NCOA5: variants seen among roughly 807,000 people sequenced by gnomAD.
The protein encoded by NCOA5 is nuclear receptor coactivator 5.
NCOA5 carries 12 observed loss-of-function variants against 59.0 expected under a neutral mutation model. The observed-to-expected ratio is 0.20, with a 90% confidence interval of 0.13 to 0.33. The LOEUF (loss-of-function observed/expected upper bound fraction) is 0.33, where lower values mean the gene tolerates loss of function less well. Ranked by LOEUF, NCOA5 falls within the 10% of genes least tolerant of loss-of-function variation. The probability of loss-of-function intolerance (pLI) is 1.00; values close to 1 mark genes in which losing one functional copy is unlikely to be tolerated. For missense variants in NCOA5, 655 were observed against 766.6 expected, an observed-to-expected ratio of 0.85 and a Z score of 1.72; for synonymous variants, 270 against 275.5, an observed-to-expected ratio of 0.98 and a Z score of 0.20.
chr20:46,075,386 G>A (rs944041835), intron 2 of NCOA5, among the ~76,000 whole-genome samples: 11 of 152,242 alleles, frequency 7.2e-5, no homozygotes, highest in African/African-American at 2.6e-4. Context: ...CTCACAACCA[G>A]GGAGCAAGCA....
chr20:46,079,813 A>C (rs1371498363), intron 1 of NCOA5, among the ~76,000 whole-genome samples: 1 of 152,178 alleles, frequency 6.6e-6, no homozygotes, highest in Non-Finnish European at 1.5e-5. Flanking sequence ...TCTTTTTGTG[A>C]GGAAGAAAGT....
rs1201337653 is a variant in NCOA5 at position 46,065,052 on chromosome 20, T to C, written c.806A>G (p.Asn269Ser). 8.1e-6 allele frequency: 13 copies of C among 1,614,216 alleles called. No homozygotes were observed. Among genetic ancestry groups the C allele is most frequent in the Admixed American group, 1.7e-5 (1 of 60,028 alleles). ...QHQIHRSCTVNIMFGTPQEHR... is the reference protein window; with the variant it reads ...QHQIHRSCTVSIMFGTPQEHR... ...ACCTTGCGGGGTTCCAAACATGATG[T>C]TGACTGTGCAGGAGCGGTGAATCTG... is the stretch of plus-strand genomic sequence containing the variant. Residue 269 changes from asparagine to serine, a missense_variant, in exon 6 of 8, where the codon AAC (asparagine) becomes AGC (serine). Physicochemically the swap from Asn to Ser is conservative, Grantham distance 46. Transcript: ENST00000290231.
chr20:46,085,860 A>G (rs2085040086), intron 1 of NCOA5, among the ~76,000 whole-genome samples: 1 of 152,214 alleles, frequency 6.6e-6, no homozygotes, highest in African/African-American at 2.4e-5. Flanking sequence ...CTTTATGTAT[A>G]TTATCCCCAA....
intron 1 of NCOA5, among the ~76,000 whole-genome samples, chr20:46,088,105 C>T (rs1223481569): frequency 6.6e-6 from 1 of 152,152 alleles, no homozygotes; most frequent in African/African-American, 2.4e-5. Flanking sequence ...TCTGCTCTTA[C>T]ATTCACATAA....
chr20:46,069,459 C>T (rs2084858245), intron 3 of NCOA5, among the ~76,000 whole-genome samples: 1 of 152,058 alleles, frequency 6.6e-6, no homozygotes, highest in East Asian at 1.9e-4. Context: ...AAAACAAATC[C>T]ACACAGTGGC....
intron 1 of NCOA5, among the ~76,000 whole-genome samples, chr20:46,088,966 A>T (rs1314434134): frequency 6.6e-6 from 1 of 152,252 alleles, no homozygotes; most frequent in African/African-American, 2.4e-5. Context: ...TTGTGATTGA[A>T]GTTGCCGCCT....
At chr20:46,084,254 C>A (rs959223384) in intron 1 of NCOA5, among the ~76,000 whole-genome samples, 11 of 152,186 alleles carry the variant, frequency 7.2e-5, no homozygotes, top group Non-Finnish European at 1.6e-4. Context: ...TATCAGGAGG[C>A]AGAGCTGAGA....
intron 1 of NCOA5, among the ~76,000 whole-genome samples, chr20:46,087,281 C>T (rs949860691): frequency 6.6e-6 from 1 of 152,172 alleles, no homozygotes; most frequent in Admixed American, 6.5e-5. Flanking sequence ...TAATATATTT[C>T]TTGTGAAGAT....
intron 1 of NCOA5, among the ~76,000 whole-genome samples, chr20:46,088,159 T>A (rs1281107459): frequency 3.3e-5 from 5 of 152,194 alleles, no homozygotes; most frequent in Non-Finnish European, 5.9e-5. Context: ...TAAGTTAATC[T>A]GTCAATGCCT....
At position 46,070,548 on chromosome 20, in the gene NCOA5, A is replaced by T; in HGVS notation, c.39-12T>A. The T allele has an allele frequency of 6.2e-7, 1 of 1,607,432 alleles. No individual in the cohort carries two copies. The highest frequency in any genetic ancestry group is 8.5e-7 in the Non-Finnish European group (1 of 1,175,528). On this transcript the variant is annotated splice_polypyrimidine_tract_variant and intron_variant, in intron 2 of 7. Transcript: ENST00000290231. ...AGCCATATGGATCCCTGTGGGAGGT[A>T]GCAAGAAAATGCTAAGACAAAGAAA...
intron 6 of NCOA5, 152 bp from the exon 7 acceptor site, chr20:46,063,832 G>A: frequency 1.3e-6 from 1 of 798,184 alleles, no homozygotes; most frequent in Non-Finnish European, 1.9e-6. Flanking sequence ...TGGTGTGGGG[G>A]GAGAGATGAA....
At position 46,067,737 on chromosome 20, in the gene NCOA5, A is replaced by C. The variant is rs189287119; in HGVS notation, c.503-556T>G. Among the ~76,000 whole-genome samples the C allele has an allele frequency of 1.6e-4, 25 of 152,268 alleles. 2 individuals carry two copies. The highest frequency in any genetic ancestry group is 5.5e-4 in the African/African-American group (23 of 41,588). On this transcript the variant is annotated intron_variant, in intron 4 of 7. Transcript: ENST00000290231. The stretch of plus-strand genomic sequence containing the variant: ...TATGAAATAATTTAAGAACCTTTAA[A>C]GATGTATTGAGAAAAACCAGGCTTT...
intron 7 of NCOA5, 107 bp downstream of exon 7, chr20:46,063,253 C>G (rs755787312): frequency 8.6e-7 from 1 of 1,156,850 alleles, no homozygotes; most frequent in Non-Finnish European, 1.2e-6. Flanking sequence ...GGACTTAGTT[C>G]CCTTACCCAC....
intron 2 of NCOA5, among the ~76,000 whole-genome samples, chr20:46,077,065 G>A (rs1013785960): frequency 6.6e-6 from 1 of 152,130 alleles, no homozygotes; most frequent in Non-Finnish European, 1.5e-5. Flanking sequence ...GTACAGGCAA[G>A]AGCCATGACG....
intron 2 of NCOA5, among the ~76,000 whole-genome samples, chr20:46,078,235 C>T (rs958893562): frequency 2.0e-5 from 3 of 152,192 alleles, no homozygotes; most frequent in South Asian, 2.1e-4. Context: ...AATCTATTCC[C>T]GGTAGCTAGA....
chr20:46,083,652 T>C (rs1600633776), intron 1 of NCOA5, among the ~76,000 whole-genome samples: 1 of 152,182 alleles, frequency 6.6e-6, no homozygotes, highest in Non-Finnish European at 1.5e-5. Flanking sequence ...ACAAATGACA[T>C]AAAACTCTCT....
At chr20:46,079,548 A>C in intron 1 of NCOA5, 95 bp from the exon 2 acceptor site, 1 of 1,007,562 alleles carries the variant, frequency 9.9e-7, no homozygotes. Context: ...CAAAAACTAC[A>C]ATGACAACCA....
At chr20:46,084,669 T>C (rs2085028172) in intron 1 of NCOA5, among the ~76,000 whole-genome samples, 1 of 152,216 alleles carries the variant, frequency 6.6e-6, no homozygotes, top group Admixed American at 6.5e-5. Context: ...ACTCCAGTCA[T>C]TTGATTTCTC....
In NCOA5 at chr20:46,062,157, A is replaced by C. The variant is rs2084772949; in HGVS notation, c.*143T>G. On this transcript the variant is annotated 3_prime_UTR_variant, in exon 8 of 8. Transcript: ENST00000290231. ...AATAAGCAACACAGCCTTGGGCAGA[A>C]GAGAGAGCAGGTGGTAGAAATTGAT... is the stretch of plus-strand genomic sequence containing the variant. 1 of 628,496 alleles carries C rather than the reference A, an allele frequency of 1.6e-6. No homozygotes were observed. The highest frequency in any genetic ancestry group is 2.1e-5 in the South Asian group (1 of 48,508). 38.9% of individuals were successfully genotyped at this position (628,496 alleles called of 1,614,324 possible). A position where few individuals can be genotyped will look rare whatever the true frequency, so the allele number is the denominator to read the frequency against.
Sources: gnomAD v4.1 joint callset for allele counts (sites outside exome capture counted in the v4.1 genomes callset) on GRCh38, gnomAD v4.1.1 for gene constraint, MANE v1.5 for transcripts, NCBI Gene and HGNC (gene_info 2026-07-23, HGNC 2026-07-21) for gene names.